Variants in MTMR1 observed in about 807,000 individuals in gnomAD.
The protein encoded by MTMR1 is myotubularin related protein 1.
Under a neutral mutation model 51.6 loss-of-function variants are expected in MTMR1, and 17 were observed. That is an observed-to-expected ratio of 0.33 (90% CI 0.23 to 0.49). The LOEUF (loss-of-function observed/expected upper bound fraction) is 0.49, where lower values mean the gene tolerates loss of function less well. Among genes scored for constraint, MTMR1 ranks in the 20% least tolerant of loss-of-function variants. The pLI, the probability that MTMR1 is intolerant of heterozygous loss-of-function variation, is 0.99. For missense variants in MTMR1, 386 were observed against 526.9 expected (o/e 0.73, Z 2.62); for synonymous variants, 201 against 205.6 (o/e 0.98, Z 0.19).
chrX:150,699,386 C>A, intron 2 of MTMR1, 86 bp downstream of exon 2: 1 of 582,453 alleles, frequency 1.7e-6, no homozygotes, highest in Non-Finnish European at 2.7e-6. Flanking sequence ...AGCTGTTGGC[C>A]TTTTGATGCA....
intron 2 of MTMR1, among the ~76,000 whole-genome samples, chrX:150,709,047 G>T (rs1271840699): frequency 1.8e-5 from 2 of 111,923 alleles, no homozygotes; most frequent in Non-Finnish European, 3.8e-5. Flanking sequence ...TTGGGAACTG[G>T]TAGGGTCCTG....
chrX:150,723,691 A>C (rs1447694629), intron 4 of MTMR1, among the ~76,000 whole-genome samples: 1 of 111,690 alleles, frequency 9.0e-6, no homozygotes, highest in Non-Finnish European at 1.9e-5. Context: ...CTAGGCCTAG[A>C]ACCTAGTAGA....
At chrX:150,746,747 T>A (rs2042585541) in intron 13 of MTMR1, among the ~76,000 whole-genome samples, 1 of 112,183 alleles carries the variant, frequency 8.9e-6, no homozygotes, top group South Asian at 3.7e-4. Context: ...AGAAAAGGGG[T>A]TTGAATTAGA....
chrX:150,764,300 T>TAAGA lies in MTMR1; in HGVS notation c.*1573_*1576dup, dbSNP rs1254129536. Reference sequence around the variant, plus strand: ...ATTCTTACGGAAAATTATCCTTCTATAAGAAGATACCAGAGAGATTTATTC... The same window carrying TAAGA: ...ATTCTTACGGAAAATTATCCTTCTATAAGAAAGAAGATACCAGAGAGATTTATTC... On this transcript the variant is annotated 3_prime_UTR_variant, in exon 16 of 16. Coordinates refer to ENST00000445323, the MANE Select transcript of MTMR1 (RefSeq NM_001306144.3). 8.9e-6 allele frequency: 1 copy of TAAGA among 112,382 alleles called. No homozygotes were observed. The highest frequency in any genetic ancestry group is 1.9e-5 in the Non-Finnish European group (1 of 53,343). 9.3% of individuals were successfully genotyped at this position (112,382 alleles called of 1,213,427 possible).
At chrX:150,745,113 C>A (rs1318951146) in intron 13 of MTMR1, among the ~76,000 whole-genome samples, 1 of 112,286 alleles carries the variant, frequency 8.9e-6, no homozygotes, top group Non-Finnish European at 1.9e-5. Flanking sequence ...GTTTTGTTGT[C>A]GTTGTTTTCC....
chrX:150,693,278 TG>T, upstream of MTMR1: 1 of 165,659 alleles, frequency 6.0e-6, no homozygotes, highest in Non-Finnish European at 9.8e-6. Flanking sequence ...AGCGCCCAGG[TG>T]GGGCTGGGCG....
chrX:150,723,188 T>C (rs1355583345), intron 4 of MTMR1, among the ~76,000 whole-genome samples: 2 of 110,708 alleles, frequency 1.8e-5, no homozygotes, highest in African/African-American at 3.3e-5. Context: ...GAACTCATCC[T>C]TTTTTTATGG....
Position 150,762,355 on chromosome X carries a change from G to A in MTMR1, c.1858-210G>A, listed in dbSNP as rs963283155. On this transcript the variant is annotated intron_variant, in intron 15 of 15. Transcript: ENST00000445323. Reference sequence around the variant, plus strand: ...ATCCCGGCTCAGCGGCTCGGCCCCCGGAGCTGCAGGGCGGCCTCAGTGGCA... The same window carrying A: ...ATCCCGGCTCAGCGGCTCGGCCCCCAGAGCTGCAGGGCGGCCTCAGTGGCA... Among the ~76,000 whole-genome samples the A allele has an allele frequency of 6.3e-5, 7 of 111,900 alleles. No individual in the cohort carries two copies. In the East Asian group the frequency reaches 8.5e-4, roughly 14 times the overall value.
In MTMR1 at chrX:150,732,716, G is replaced by A; in HGVS notation, c.1066G>A (p.Ala356Thr). The stretch of plus-strand genomic sequence containing the variant: ...CTTTGATGCTCGACAAAACAGTGTC[G>A]CTGATACCAACAAGGTATATTCTTA... ...IIFDARQNSV[A>T]DTNKTKGGGY... The change falls in exon 10 of 16, where the codon GCT (alanine) becomes ACT (threonine). Residue 356 changes from alanine to threonine, a missense_variant. By Grantham distance (58) the Ala-to-Thr change is moderately conservative (BLOSUM62 0). Transcript: ENST00000445323. 1.7e-6 allele frequency: 2 copies of A among 1,202,107 alleles called. No individual in the cohort carries two copies. The highest frequency in any genetic ancestry group is 2.2e-6 in the Non-Finnish European group (2 of 889,695).
intron 12 of MTMR1, among the ~76,000 whole-genome samples, chrX:150,743,505 C>G (rs901216835): frequency 2.7e-5 from 3 of 112,458 alleles, no homozygotes; most frequent in East Asian, 5.5e-4. Context: ...CACTGTTACT[C>G]TGAGATGTTA....
At chrX:150,699,161 T>C in intron 1 of MTMR1, 34 bp from the exon 2 acceptor site, 1 of 984,086 alleles carries the variant, frequency 1.0e-6, no homozygotes, top group Non-Finnish European at 1.4e-6. Context: ...GATCCTATGA[T>C]ATAACGTTTT....
At chrX:150,694,027 C>T (rs952262713) in intron 1 of MTMR1, among the ~76,000 whole-genome samples, 26 of 111,817 alleles carry the variant, frequency 2.3e-4, no homozygotes, top group Non-Finnish European at 4.3e-4. Context: ...GGCCACCAAT[C>T]CTCTTGGGAG....
Position 150,715,247 on chromosome X carries a change from G to A in MTMR1, c.276+2882G>A, listed in dbSNP as rs149139367. The stretch of plus-strand genomic sequence containing the variant: ...CCATTATATAAACTATCCACCTGGC[G>A]GCTTGGATTCAGGCTGAGGAGAAAA... On this transcript the variant is annotated intron_variant, in intron 3 of 15. Transcript: ENST00000445323. Among the ~76,000 whole-genome samples, 25 of 111,949 alleles carry A rather than the reference G, an allele frequency of 2.2e-4. No individual in the cohort carries two copies. The East Asian group carries it at 5.9e-3, about 26-fold the overall frequency.
chrX:150,722,959 G>C (rs1024573617), intron 4 of MTMR1, among the ~76,000 whole-genome samples: 19 of 108,026 alleles, frequency 1.8e-4, no homozygotes, highest in Non-Finnish European at 3.3e-4. Flanking sequence ...CCATTAACTC[G>C]TCATTTAGCA....
intron 14 of MTMR1, chrX:150,751,343 AAG>A: frequency 2.2e-6 from 1 of 462,823 alleles, no homozygotes; most frequent in Non-Finnish European, 2.7e-6. Flanking sequence ...TGTGGGATAA[AAG>A]AGAAACGTGG....
intron 4 of MTMR1, among the ~76,000 whole-genome samples, chrX:150,719,406 C>G (rs1275234486): frequency 1.8e-5 from 2 of 111,971 alleles, no homozygotes; most frequent in African/African-American, 6.5e-5. Context: ...GCGGGGCTCT[C>G]CCACCAGATC....
At chrX:150,733,876 G>A (rs1193134391) in intron 10 of MTMR1, among the ~76,000 whole-genome samples, 4 of 111,710 alleles carry the variant, frequency 3.6e-5, no homozygotes, top group Non-Finnish European at 7.5e-5. Context: ...TGACTTGAGG[G>A]TGAATAGTGG....
In MTMR1 at chrX:150,760,882, G is replaced by A. The variant is rs192084523; in HGVS notation, c.1858-1683G>A. On this transcript the variant is annotated intron_variant, in intron 15 of 15. Transcript: ENST00000445323. ...GCGGAGGTTGCAGTGAGCTGAGATC[G>A]TGCCGCTGCACTCCAGCCTGGGGGA... 9.4e-5 allele frequency among the ~76,000 whole-genome samples: 10 copies of A among 106,669 alleles called. No individual in the cohort carries two copies. The East Asian group carries it at 1.5e-3, about 16-fold the overall frequency. The allele number at this position is 106,669 out of a possible 115,157, so 92.6% of individuals were successfully genotyped here.
intron 12 of MTMR1, among the ~76,000 whole-genome samples, chrX:150,744,041 C>G (rs1438711072): frequency 1.8e-5 from 2 of 112,808 alleles, no homozygotes; most frequent in Admixed American, 9.4e-5. Flanking sequence ...TACGTTGACA[C>G]TGTACACTTA....
Sources: allele counts gnomAD v4.1 joint callset (sites outside exome capture counted in the v4.1 genomes callset), GRCh38; gene constraint gnomAD v4.1.1; transcripts MANE v1.5; gene names NCBI Gene and HGNC (gene_info 2026-07-23, HGNC 2026-07-21).